EMSY: variants seen among roughly 807,000 people sequenced by gnomAD.
EMSY encodes the protein EMSY transcriptional repressor, BRCA2 interacting.
A neutral mutation model predicts 134.6 loss-of-function variants in EMSY; 26 were observed. The ratio of observed to expected loss-of-function variants is 0.19; its 90% CI spans 0.14 to 0.27. The LOEUF is 0.27. Ranked by LOEUF, EMSY falls within the 10% of genes least tolerant of loss-of-function variation. EMSY has a pLI of 1.00. For missense variants in EMSY, 1,305 were observed against 1,611.4 expected (o/e 0.81, Z 3.26); for synonymous variants, 579 against 577.8 (o/e 1.00, Z -0.03).
Position 76,447,094 on chromosome 11 carries a change from A to T in EMSY, c.70+86A>T, listed in dbSNP as rs552798502. On this transcript the variant is annotated intron_variant, in intron 2 of 20. Coordinates refer to ENST00000334736, the Ensembl canonical transcript of EMSY. Reference sequence around the variant, plus strand: ...GGTCATAGCTGTTTGCATGGATGTCATATCTCACGCTACATCAGAAATTCT... The same window carrying T: ...GGTCATAGCTGTTTGCATGGATGTCTTATCTCACGCTACATCAGAAATTCT... 2.4e-6 allele frequency: 3 copies of T among 1,254,676 alleles called. No individual in the cohort carries two copies. In the East Asian group the frequency reaches 7.1e-5, roughly 30 times the overall value. 77.7% of individuals were successfully genotyped at this position (1,254,676 alleles called of 1,614,324 possible).
intron 8 of EMSY, among the ~76,000 whole-genome samples, chr11:76,488,805 G>A (rs778499346): frequency 2.6e-5 from 4 of 152,076 alleles, no homozygotes; most frequent in African/African-American, 4.8e-5. Flanking sequence ...GGTAACTCTT[G>A]GGGCTTTTTT....
chr11:76,470,347 C>A (rs1041001958), intron 7 of EMSY, among the ~76,000 whole-genome samples: 4 of 152,122 alleles, frequency 2.6e-5, no homozygotes, highest in African/African-American at 9.7e-5. Context: ...AAATGTGATA[C>A]TACAGACTTC....
intron 8 of EMSY, among the ~76,000 whole-genome samples, chr11:76,494,723 CTTCCTTCCTTCCT>C (rs1268403530): frequency 1.2e-4 from 9 of 77,028 alleles, no homozygotes; most frequent in African/African-American, 3.6e-4. Flanking sequence ...TCCTTCCTTC[CTTCCTTCCTTCCT>C]TTCCTTCCTT....
At chr11:76,547,451 G>A (rs945890200) in intron 20 of EMSY, among the ~76,000 whole-genome samples, 2 of 152,104 alleles carry the variant, frequency 1.3e-5, no homozygotes, top group African/African-American at 4.8e-5. Context: ...TGATTTTTTT[G>A]TATTTTCCCC....
intron 9 of EMSY, among the ~76,000 whole-genome samples, chr11:76,500,207 C>T (rs1003639832): frequency 6.6e-6 from 1 of 152,036 alleles, no homozygotes; most frequent in Non-Finnish European, 1.5e-5. Flanking sequence ...AGGGAGATTT[C>T]ACCATATCTA....
chr11:76,450,794 AT>A (rs34212263), intron 2 of EMSY, among the ~76,000 whole-genome samples: 25 of 135,922 alleles, frequency 1.8e-4, no homozygotes, highest in East Asian at 6.5e-4. Flanking sequence ...GCCTGGCCAG[AT>A]TTTTTTTTTT....
At chr11:76,450,179 CA>C (rs1482767953) in intron 2 of EMSY, among the ~76,000 whole-genome samples, 3 of 151,842 alleles carry the variant, frequency 2.0e-5, no homozygotes, top group African/African-American at 7.3e-5. Context: ...AGGATTAGCG[CA>C]CCATTTGGTA....
At chr11:76,470,053 T>C (rs979032184) in intron 7 of EMSY, among the ~76,000 whole-genome samples, 2 of 152,188 alleles carry the variant, frequency 1.3e-5, no homozygotes, top group Non-Finnish European at 2.9e-5. Context: ...GGATAAGAAC[T>C]CATATCTGGT....
intron 3 of EMSY, 23 bp from the exon 4 acceptor site, chr11:76,453,291 A>C: frequency 6.2e-7 from 1 of 1,608,816 alleles, no homozygotes; most frequent in Non-Finnish European, 8.5e-7. Flanking sequence ...GCAGAGTTCT[A>C]TAATGGCTAT....
chr11:76,455,119 T>G (rs780355636), intron 4 of EMSY, among the ~76,000 whole-genome samples: 1 of 152,160 alleles, frequency 6.6e-6, no homozygotes, highest in Non-Finnish European at 1.5e-5. Context: ...GTTTCTTTAA[T>G]CTATTTGACC....
chr11:76,512,130 T>G (rs964598954), intron 9 of EMSY, among the ~76,000 whole-genome samples: 7 of 152,222 alleles, frequency 4.6e-5, no homozygotes, highest in African/African-American at 1.7e-4. Context: ...TAACAACATA[T>G]TTTAACTCAT....
chr11:76,516,278 G>C, exon 11 of EMSY: 1 of 1,611,864 alleles, frequency 6.2e-7, no homozygotes, highest in Non-Finnish European at 8.5e-7. Context: ...TAGCTACCTT[G>C]GGGGGCAAGA....
intron 11 of EMSY, among the ~76,000 whole-genome samples, chr11:76,519,739 T>A (rs1950579414): frequency 1.3e-5 from 2 of 152,212 alleles, no homozygotes; most frequent in Non-Finnish European, 2.9e-5. Flanking sequence ...AGCCTACCTA[T>A]TATAATGCCC....
chr11:76,457,066 G>A (rs1947901299), intron 4 of EMSY, among the ~76,000 whole-genome samples: 1 of 152,012 alleles, frequency 6.6e-6, no homozygotes, highest in African/African-American at 2.4e-5. Context: ...CAAATTCATA[G>A]GATTGAAGAG....
intron 8 of EMSY, among the ~76,000 whole-genome samples, chr11:76,493,929 G>A (rs1051148884): frequency 6.6e-6 from 1 of 152,182 alleles, no homozygotes; most frequent in African/African-American, 2.4e-5. Context: ...CCTTGGGGGA[G>A]CCCAGACCTA....
At chr11:76,472,600 G>A (rs756165213) in exon 8 of EMSY, 5 of 1,613,762 alleles carry the variant, frequency 3.1e-6, no homozygotes, top group South Asian at 2.2e-5. Context: ...CTCAACCTTC[G>A]TGCCCAACAT....
chr11:76,535,970 G>A (rs1314156973), exon 15 of EMSY: 5 of 1,604,802 alleles, frequency 3.1e-6, no homozygotes, highest in Non-Finnish European at 3.4e-6. Flanking sequence ...ATGGAGACTA[G>A]CCCTACCATA....
At chr11:76,453,468 C>A in intron 4 of EMSY, 80 bp downstream of exon 4, 1 of 1,291,788 alleles carries the variant, frequency 7.7e-7, no homozygotes, top group Non-Finnish European at 1.1e-6. Flanking sequence ...TATTGTGTAG[C>A]AGATTCCTGA....
chr11:76,503,300 C>CAAAAAAAAA (rs61098325), intron 9 of EMSY, among the ~76,000 whole-genome samples: 17 of 70,712 alleles, frequency 2.4e-4, no homozygotes, highest in African/African-American at 4.5e-4. Flanking sequence ...GGCGTGGTCT[C>CAAAAAAAAA]AAAAAAAAAA....
Sources: allele counts gnomAD v4.1 joint callset (sites outside exome capture counted in the v4.1 genomes callset), GRCh38; gene constraint gnomAD v4.1.1; transcripts MANE v1.5; gene names NCBI Gene and HGNC (gene_info 2026-07-23, HGNC 2026-07-21).